Variants in ODAD2 observed in about 807,000 individuals in gnomAD.
ODAD2 encodes the protein outer dynein arm docking complex subunit 2.
Under a neutral mutation model 106.8 loss-of-function variants are expected in ODAD2, and 89 were observed. That is an observed-to-expected ratio of 0.83 (90% CI 0.70 to 0.99). The LOEUF is 0.99. ODAD2 is among the 50% of genes least tolerant of loss of function. The probability of loss-of-function intolerance (pLI) is 0.00; values close to 1 mark genes in which losing one functional copy is unlikely to be tolerated. For missense variants in ODAD2, 1,168 were observed against 1,238.5 expected (o/e 0.94, Z 0.85); for synonymous variants, 404 against 436.2 (o/e 0.93, Z 0.92).
At chr10:27,896,648 C>T (rs1353453665) in intron 17 of ODAD2, among the ~76,000 whole-genome samples, 1 of 152,130 alleles carries the variant, frequency 6.6e-6, no homozygotes, top group Non-Finnish European at 1.5e-5. Flanking sequence ...AAATCTTTTA[C>T]AGTACTCAGA....
intron 19 of ODAD2, among the ~76,000 whole-genome samples, chr10:27,833,117 A>G (rs922109315): frequency 1.3e-5 from 2 of 152,150 alleles, no homozygotes; most frequent in Admixed American, 1.3e-4. Flanking sequence ...GGGTAGTTCA[A>G]TTTACTCTGA....
chr10:27,872,817 CTTT>C (rs745451850), intron 17 of ODAD2, among the ~76,000 whole-genome samples: 1 of 151,964 alleles, frequency 6.6e-6, no homozygotes, highest in African/African-American at 2.4e-5. Flanking sequence ...CTAAAATTCT[CTTT>C]TTTTTCTGTG....
intron 2 of ODAD2, 81 bp from the exon 3 acceptor site, chr10:27,987,624 T>C (rs1849957224): frequency 2.2e-6 from 2 of 926,460 alleles, no homozygotes; most frequent in Non-Finnish European, 3.2e-6. Context: ...TTTAGACAGA[T>C]TATTCCTATA....
chr10:27,935,163 C>A lies in ODAD2; in HGVS notation c.2342G>T (p.Gly781Val), dbSNP rs145619075. 2.4e-3 allele frequency: 3,939 copies of A among 1,613,984 alleles called. 8 individuals are homozygous for A. Among genetic ancestry groups the A allele is most frequent in the Middle Eastern group, 5.3e-3 (32 of 6,060 alleles). ...GTTTTCACGTTCTTGGCAGCATTCT[C>A]CCAAGGCCCCAACCACATTCACAAG... ...EVLVNVVGAL[G>V]ECCQERENRV... The change falls in exon 16 of 20, where the codon GGA becomes GTA. Residue 781 changes from glycine to valine, a missense_variant. Gly to Val is a moderately radical substitution (Grantham distance 109). This residue lies in a region of ODAD2 where 701 missense variants were observed against 712.3 expected (regional missense o/e 0.98). Transcript: ENST00000305242.
intron 13 of ODAD2, among the ~76,000 whole-genome samples, chr10:27,940,318 T>C (rs1208120750): frequency 4.6e-5 from 7 of 151,904 alleles, no homozygotes; most frequent in African/African-American, 1.7e-4. Context: ...AATGTCAGCA[T>C]ATACGTGTGA....
chr10:27,910,527 G>A (rs1363125131), intron 16 of ODAD2, among the ~76,000 whole-genome samples: 1 of 152,106 alleles, frequency 6.6e-6, no homozygotes, highest in Non-Finnish European at 1.5e-5. Flanking sequence ...AGGCCAAGGT[G>A]GGTGGATCGC....
In ODAD2 at chr10:27,939,954, C is replaced by A; in HGVS notation, c.2040G>T (p.Lys680Asn). ...GCTGCTCATTCTCACTATTTAGGTT[C>A]TTGACAAGGTTTTCAATGATCCTTT... Reference protein sequence around the residue: ...KAERIIENLVKNLNSENEQLQ... With the variant: ...KAERIIENLVNNLNSENEQLQ... The change falls in exon 14 of 20, where the codon AAG becomes AAT. Residue 680 changes from lysine (K) to asparagine (N), a missense_variant. Coordinates refer to ENST00000305242, the MANE Select transcript of ODAD2 (RefSeq NM_018076.5). 6.2e-7 allele frequency: 1 copy of A among 1,611,270 alleles called. No homozygotes were observed. Among genetic ancestry groups the A allele is most frequent in the South Asian group, 1.1e-5 (1 of 90,624 alleles).
chr10:27,965,028 AG>A (rs1848400587), intron 9 of ODAD2, among the ~76,000 whole-genome samples: 1 of 152,224 alleles, frequency 6.6e-6, no homozygotes, highest in Admixed American at 6.5e-5. Flanking sequence ...AGGAGGCAAC[AG>A]TCAGTAAGAC....
At chr10:27,986,978 T>C (rs1849911751) in intron 3 of ODAD2, among the ~76,000 whole-genome samples, 1 of 152,240 alleles carries the variant, frequency 6.6e-6, no homozygotes, top group Non-Finnish European at 1.5e-5. Context: ...AAATAGATTG[T>C]CATTCAATCT....
intron 15 of ODAD2, 127 bp from the exon 16 acceptor site, chr10:27,935,379 G>A: frequency 1.6e-6 from 2 of 1,244,742 alleles, no homozygotes; most frequent in Non-Finnish European, 2.2e-6. Flanking sequence ...TTACTGGATG[G>A]TTAATCTGAA....
chr10:27,940,507 T>C, intron 13 of ODAD2, 56 bp downstream of exon 13: 2 of 1,597,008 alleles, frequency 1.3e-6, no homozygotes, highest in Non-Finnish European at 1.7e-6. Flanking sequence ...GAAACAACTT[T>C]TGGACTAAAG....
chr10:27,948,779 ATTTTTTT>A (rs11451204), intron 10 of ODAD2, among the ~76,000 whole-genome samples: 8 of 40,320 alleles, frequency 2.0e-4, no homozygotes, highest in Non-Finnish European at 2.5e-4. Context: ...TGGCCTTTGG[ATTTTTTT>A]TTTTTTTTTT....
intron 10 of ODAD2, chr10:27,957,044 C>A (rs956608144): frequency 3.3e-5 from 5 of 152,094 alleles, no homozygotes; most frequent in African/African-American, 1.2e-4. Context: ...AGTATGGAGC[C>A]TAGAGACATT....
At chr10:27,840,645 A>G (rs1207494771) in intron 19 of ODAD2, among the ~76,000 whole-genome samples, 5 of 152,210 alleles carry the variant, frequency 3.3e-5, no homozygotes, top group Admixed American at 3.3e-4. Context: ...TAGATCCAGG[A>G]GAAGCAGTAA....
At chr10:27,934,636 T>G (rs1364010725) in intron 16 of ODAD2, among the ~76,000 whole-genome samples, 2 of 152,082 alleles carry the variant, frequency 1.3e-5, no homozygotes, top group Non-Finnish European at 2.9e-5. Context: ...ATACATTTGC[T>G]GAATAGGTGA....
At position 27,924,048 on chromosome 10, in the gene ODAD2, G is replaced by GAAAGAA. The variant is rs1554810929; in HGVS notation, c.2495+10961_2495+10962insTTCTTT. Among the ~76,000 whole-genome samples the GAAAGAA allele has an allele frequency of 4.2e-3, 527 of 126,884 alleles. 29 individuals are homozygous for GAAAGAA. The highest frequency in any genetic ancestry group is 6.5e-3 in the African/African-American group (194 of 29,662). 83.2% of individuals were successfully genotyped at this position (126,884 alleles called of 152,430 possible). On this transcript the variant is annotated intron_variant, in intron 16 of 19. Transcript: ENST00000305242. ...AAGGAAAGAGAAAGAAAGAAGGAAA[G>GAAAGAA]AGAAAGAAAGAAAGAAAGAAAGAAA...
chr10:27,942,669 CA>C (rs1157032017), intron 12 of ODAD2, among the ~76,000 whole-genome samples: 1 of 152,102 alleles, frequency 6.6e-6, no homozygotes, highest in African/African-American at 2.4e-5. Context: ...TAATGATAAT[CA>C]TAGTAATAAT....
At chr10:27,953,854 C>T (rs949775718) in intron 10 of ODAD2, among the ~76,000 whole-genome samples, 8 of 152,094 alleles carry the variant, frequency 5.3e-5, no homozygotes, top group African/African-American at 1.2e-4. Flanking sequence ...GTAAGGGAAA[C>T]GGGAAGAATA....
chr10:27,927,022 G>A (rs1332030402), intron 16 of ODAD2, among the ~76,000 whole-genome samples: 1 of 152,082 alleles, frequency 6.6e-6, no homozygotes, highest in Non-Finnish European at 1.5e-5. Flanking sequence ...AGATCTGGTG[G>A]TGGGGCATAA....
Sources: gnomAD v4.1 joint callset for allele counts (sites outside exome capture counted in the v4.1 genomes callset) on GRCh38, gnomAD v4.1.1 for gene constraint, gnomAD v4.1.1 regional missense constraint, MANE v1.5 for transcripts, NCBI Gene and HGNC (gene_info 2026-07-23, HGNC 2026-07-21) for gene names.